Variants in OPCML observed in about 807,000 individuals in gnomAD.
The protein encoded by OPCML is opioid binding protein/cell adhesion molecule like.
OPCML carries 13 observed loss-of-function variants against 37.8 expected under a neutral mutation model. The observed-to-expected ratio is 0.34, with a 90% CI of 0.22 to 0.55. The LOEUF is 0.55. Among genes scored for constraint, OPCML ranks in the 20% least tolerant of loss-of-function variants. The probability of loss-of-function intolerance (pLI) is 0.91; values close to 1 mark genes in which losing one functional copy is unlikely to be tolerated. For synonymous variants in OPCML, 176 were observed against 168.8 expected, an observed-to-expected ratio of 1.04 and a Z score of -0.33; for missense variants, 341 against 435.6, an observed-to-expected ratio of 0.78 and a Z score of 1.93.
intron 1 of OPCML, among the ~76,000 whole-genome samples, chr11:133,215,962 G>A (rs1939568169): frequency 6.6e-6 from 1 of 152,086 alleles, no homozygotes; most frequent in African/African-American, 2.4e-5. Context: ...ATTCCTTCAG[G>A]GCCTTGTAAC....
intron 1 of OPCML, among the ~76,000 whole-genome samples, chr11:133,482,219 T>C (rs1947387749): frequency 6.6e-6 from 1 of 152,014 alleles, no homozygotes; most frequent in Non-Finnish European, 1.5e-5. Context: ...CACAGATATT[T>C]GGGAGGACAA....
intron 1 of OPCML, among the ~76,000 whole-genome samples, chr11:133,434,728 T>C (rs1261658351): frequency 2.0e-5 from 3 of 149,356 alleles, no homozygotes; most frequent in Non-Finnish European, 4.4e-5. Context: ...GTTGGTAATA[T>C]AAATGAAGAG....
chr11:132,616,323 C>G (rs1618985), intron 3 of OPCML, among the ~76,000 whole-genome samples: 1 of 152,042 alleles, frequency 6.6e-6, no homozygotes, highest in Non-Finnish European at 1.5e-5. Flanking sequence ...AAATGTATAG[C>G]TGGCACTATT....
In OPCML at chr11:132,943,113, C is replaced by A; in HGVS notation, c.62-103G>T. On this transcript the variant is annotated intron_variant, in intron 1 of 7. Coordinates refer to ENST00000524381, the MANE Select transcript of OPCML (RefSeq NM_001012393.5). This position sits in a 1 kb window ranked among gnomAD's most constrained non-coding sequence, Gnocchi z 4.3. Reference sequence around the variant, plus strand: ...CCCATTCTCGACAGCCACAACTTCCCAGGACTCCGGCAGCCGCACAGTCCT... The same window carrying A: ...CCCATTCTCGACAGCCACAACTTCCAAGGACTCCGGCAGCCGCACAGTCCT... 1.9e-6 allele frequency: 3 copies of A among 1,614,012 alleles called. No individual in the cohort carries two copies. The highest frequency in any genetic ancestry group is 2.5e-6 in the Non-Finnish European group (3 of 1,179,920).
intron 4 of OPCML, among the ~76,000 whole-genome samples, chr11:132,511,124 T>A (rs2096267883): frequency 6.6e-6 from 1 of 152,106 alleles, no homozygotes; most frequent in South Asian, 2.1e-4. Context: ...GCTGTCACAG[T>A]AGGCAAGGTC....
At chr11:132,971,416 G>A (rs539122075) in intron 1 of OPCML, among the ~76,000 whole-genome samples, 10 of 152,250 alleles carry the variant, frequency 6.6e-5, no homozygotes, top group South Asian at 2.1e-4. Context: ...GGACATGCGC[G>A]AGTCTTCAAG....
At chr11:132,684,815 T>G (rs1341456344) in intron 2 of OPCML, among the ~76,000 whole-genome samples, 1 of 152,230 alleles carries the variant, frequency 6.6e-6, no homozygotes, top group Non-Finnish European at 1.5e-5. Context: ...CGGTCACTGT[T>G]GTAAGATGAT....
At chr11:132,558,320 C>T (rs1329664565) in intron 3 of OPCML, among the ~76,000 whole-genome samples, 2 of 49,160 alleles carry the variant, frequency 4.1e-5, no homozygotes, top group African/African-American at 2.3e-4. Context: ...TCCCCCTCCT[C>T]CCCTCTCCCC....
intron 1 of OPCML, among the ~76,000 whole-genome samples, chr11:133,180,150 C>T (rs960959149): frequency 1.3e-5 from 2 of 152,322 alleles, no homozygotes; most frequent in East Asian, 3.9e-4. Flanking sequence ...GCCTTTCACA[C>T]AGTCCCCTAA....
chr11:132,564,700 A>G (rs2137526910), intron 3 of OPCML, among the ~76,000 whole-genome samples: 1 of 152,244 alleles, frequency 6.6e-6, no homozygotes, highest in Admixed American at 6.5e-5. Context: ...CCCTGTGTGC[A>G]TGCATTATGC....
At chr11:132,839,070 A>C (rs1941170351) in intron 2 of OPCML, among the ~76,000 whole-genome samples, 2 of 152,270 alleles carry the variant, frequency 1.3e-5, no homozygotes, top group Admixed American at 1.3e-4. Context: ...TGAGCTGTTT[A>C]GCCTCCCAAA....
At chr11:133,054,254 A>G (rs764457092) in intron 1 of OPCML, among the ~76,000 whole-genome samples, 7 of 152,164 alleles carry the variant, frequency 4.6e-5, no homozygotes, top group Non-Finnish European at 7.3e-5. Context: ...TGTCACCTCA[A>G]AACCTCTGGT....
chr11:133,201,061 T>A (rs1938761949), intron 1 of OPCML, among the ~76,000 whole-genome samples: 1 of 152,102 alleles, frequency 6.6e-6, no homozygotes, highest in South Asian at 2.1e-4. Context: ...TTCTCACTTA[T>A]AAGTAGGAGA....
At chr11:133,140,841 C>CGACGACGACGACGAAGAAGAG (rs1565468165) in intron 1 of OPCML, among the ~76,000 whole-genome samples, 2 of 5,928 alleles carry the variant, frequency 3.4e-4, no homozygotes, top group Non-Finnish European at 9.3e-4. Context: ...ACGAAGAAGA[C>CGACGACGACGACGAAGAAGAG]GACGACGACG....
chr11:133,299,129 AC>A (rs1942714948), intron 1 of OPCML: 3 of 152,070 alleles, frequency 2.0e-5, no homozygotes, highest in Non-Finnish European at 2.9e-5. Flanking sequence ...CTTATTCACC[AC>A]CCAGCACTTT....
rs988460975 is a variant in OPCML, at chr11:133,212,615, T to C, written c.62-269605A>G. Among the ~76,000 whole-genome samples, 4 of 152,252 alleles carry C rather than the reference T, an allele frequency of 2.6e-5. No homozygotes were observed. Among genetic ancestry groups the C allele is most frequent in the Non-Finnish European group, 4.4e-5 (3 of 68,046 alleles). On this transcript the variant is annotated intron_variant, in intron 1 of 7. Coordinates refer to ENST00000524381, the MANE Select transcript of OPCML (RefSeq NM_001012393.5). The surrounding 1 kb of genome is among the most constrained non-coding windows in gnomAD (Gnocchi z 4.9). ...CTTTCTCACTTGTCCAAAGCCCTTG[T>C]CATCTTCTAACAGCCTCTGTGATTT...
chr11:133,008,162 T>A, intron 1 of OPCML: 3 of 985,428 alleles, frequency 3.0e-6, no homozygotes, highest in South Asian at 9.4e-5. Context: ...TAAAATAACA[T>A]CAGTGACCAA....
intron 1 of OPCML, among the ~76,000 whole-genome samples, chr11:133,382,436 G>A (rs951792350): frequency 1.3e-5 from 2 of 152,124 alleles, no homozygotes; most frequent in Admixed American, 6.5e-5. Context: ...TCTTCCTCTC[G>A]TTCCCCATCC....
intron 1 of OPCML, among the ~76,000 whole-genome samples, chr11:133,140,185 T>TAAATAA (rs1949747289): frequency 9.3e-5 from 3 of 32,306 alleles, no homozygotes; most frequent in South Asian, 2.9e-3. Context: ...AGACTCCGTC[T>TAAATAA]CAATAATAAT....
Sources: gnomAD v4.1 joint callset for allele counts (sites outside exome capture counted in the v4.1 genomes callset) on GRCh38, gnomAD v4.1.1 for gene constraint, Gnocchi (gnomAD v3.1) non-coding constraint, MANE v1.5 for transcripts, NCBI Gene and HGNC (gene_info 2026-07-23, HGNC 2026-07-21) for gene names.